The following CNTN5 variants were observed in gnomAD, a reference collection of about 807,000 sequenced individuals.
CNTN5 encodes the protein contactin 5.
CNTN5 carries 77 observed loss-of-function variants against 129.1 expected under a neutral mutation model. The observed-to-expected ratio is 0.60, with a 90% CI of 0.50 to 0.72. The LOEUF is 0.72. Among genes scored for constraint, CNTN5 ranks in the 30% least tolerant of loss-of-function variants. The pLI is 0.00. For synonymous variants in CNTN5, 509 were observed against 465.6 expected (o/e 1.09, Z -1.20); for missense variants, 1,478 against 1,328.8 (o/e 1.11, Z -1.75).
At chr11:99,778,632 C>T (rs1945206912) in intron 3 of CNTN5, among the ~76,000 whole-genome samples, 1 of 151,522 alleles carries the variant, frequency 6.6e-6, no homozygotes, top group Admixed American at 6.6e-5. Flanking sequence ...AATGAAAGTT[C>T]ATCATAGGTT....
intron 2 of CNTN5, among the ~76,000 whole-genome samples, chr11:99,370,677 T>C (rs1158479019): frequency 6.6e-6 from 1 of 152,232 alleles, no homozygotes; most frequent in Non-Finnish European, 1.5e-5. Flanking sequence ...ATGGAATAGA[T>C]ACCCTCTAGA....
chr11:99,576,071 A>G (rs1225380189), intron 3 of CNTN5, among the ~76,000 whole-genome samples: 3 of 152,194 alleles, frequency 2.0e-5, no homozygotes, highest in African/African-American at 7.2e-5. Flanking sequence ...TCAGGAGAAG[A>G]GAAGGGAGAC....
intron 8 of CNTN5, among the ~76,000 whole-genome samples, chr11:99,967,397 A>T (rs963718477): frequency 6.6e-6 from 1 of 152,158 alleles, no homozygotes; most frequent in African/African-American, 2.4e-5. Context: ...AGGGGATACA[A>T]TGGAGGGTGA....
chr11:99,648,655 T>G (rs1430404731), intron 3 of CNTN5, among the ~76,000 whole-genome samples: 1 of 151,816 alleles, frequency 6.6e-6, no homozygotes, highest in Non-Finnish European at 1.5e-5. Context: ...AAATATGGAA[T>G]CAACCCAAAT....
chr11:100,083,744 C>T (rs777305688), intron 13 of CNTN5, among the ~76,000 whole-genome samples: 2 of 152,108 alleles, frequency 1.3e-5, no homozygotes, highest in Non-Finnish European at 2.9e-5. Flanking sequence ...ATGGCATCCA[C>T]TTAAACACAG....
intron 1 of CNTN5, among the ~76,000 whole-genome samples, chr11:99,069,863 T>C (rs1274553565): frequency 6.6e-6 from 1 of 152,192 alleles, no homozygotes; most frequent in Admixed American, 6.5e-5. Flanking sequence ...CCAGTGCTAC[T>C]GCTTATTGCA....
chr11:100,264,147 T>C (rs192735504), intron 17 of CNTN5, among the ~76,000 whole-genome samples: 6 of 152,274 alleles, frequency 3.9e-5, no homozygotes, highest in Non-Finnish European at 8.8e-5. Context: ...GAATTATTTT[T>C]GTGTTTGTTT....
chr11:99,081,566 A>T (rs1283432586), intron 1 of CNTN5, among the ~76,000 whole-genome samples: 1 of 152,180 alleles, frequency 6.6e-6, no homozygotes, highest in South Asian at 2.1e-4. Flanking sequence ...GGATGATATC[A>T]TATCTACTTA....
intron 13 of CNTN5, among the ~76,000 whole-genome samples, chr11:100,093,104 C>T (rs1944859488): frequency 6.6e-6 from 1 of 151,992 alleles, no homozygotes; most frequent in Admixed American, 6.6e-5. Context: ...CCCTGATCCG[C>T]CATACATGTT....
intron 3 of CNTN5, among the ~76,000 whole-genome samples, chr11:99,638,172 G>A (rs764043126): frequency 3.9e-5 from 6 of 152,088 alleles, no homozygotes; most frequent in Non-Finnish European, 8.8e-5. Flanking sequence ...GTACATGGTG[G>A]TGGCAAGAGA....
At chr11:99,342,092 T>A (rs1866538008) in intron 2 of CNTN5, among the ~76,000 whole-genome samples, 1 of 152,182 alleles carries the variant, frequency 6.6e-6, no homozygotes, top group Admixed American at 6.5e-5. Flanking sequence ...GTCATGCTGA[T>A]CTTTTCCATA....
intron 10 of CNTN5, among the ~76,000 whole-genome samples, chr11:100,066,918 T>C (rs549885635): frequency 6.6e-6 from 1 of 152,202 alleles, no homozygotes; most frequent in South Asian, 2.1e-4. Flanking sequence ...TGTAAGAATC[T>C]TGCAAGTACT....
intron 7 of CNTN5, among the ~76,000 whole-genome samples, chr11:99,922,321 C>T (rs1289695106): frequency 6.6e-6 from 1 of 152,104 alleles, no homozygotes; most frequent in South Asian, 2.1e-4. Flanking sequence ...TCCCACAACA[C>T]GTAGGGATTA....
intron 1 of CNTN5, among the ~76,000 whole-genome samples, chr11:99,137,912 A>G (rs554879272): frequency 6.6e-6 from 1 of 152,328 alleles, no homozygotes. Flanking sequence ...TGGCATTGAA[A>G]GAGAAATGAA....
intron 1 of CNTN5, among the ~76,000 whole-genome samples, chr11:99,091,249 G>A (rs1357490495): frequency 6.6e-6 from 1 of 152,128 alleles, no homozygotes. Flanking sequence ...TCTAGGATTA[G>A]CAATTACATT....
intron 2 of CNTN5, among the ~76,000 whole-genome samples, chr11:99,378,477 TACAGG>T (rs1395187619): frequency 6.6e-6 from 1 of 152,084 alleles, no homozygotes; most frequent in African/African-American, 2.4e-5. Flanking sequence ...CAATCTCTTA[TACAGG>T]AAAGGCAAGC....
intron 3 of CNTN5, among the ~76,000 whole-genome samples, chr11:99,643,538 G>T (rs934802736): frequency 1.3e-5 from 2 of 152,084 alleles, no homozygotes; most frequent in African/African-American, 4.8e-5. Flanking sequence ...TTATATGAGT[G>T]AATGTACATA....
At chr11:99,860,614 G>T (rs1348441462) in intron 6 of CNTN5, among the ~76,000 whole-genome samples, 1 of 152,144 alleles carries the variant, frequency 6.6e-6, no homozygotes, top group African/African-American at 2.4e-5. Flanking sequence ...TCTGATGGCT[G>T]TGGATGTGCA....
At chr11:99,673,276 A>G (rs1229197942) in intron 3 of CNTN5, among the ~76,000 whole-genome samples, 1 of 152,164 alleles carries the variant, frequency 6.6e-6, no homozygotes, top group African/African-American at 2.4e-5. Context: ...TATGGGCATC[A>G]TAGCATTTTG....
Sources: allele counts gnomAD v4.1 joint callset (sites outside exome capture counted in the v4.1 genomes callset), GRCh38; gene constraint gnomAD v4.1.1; transcripts MANE v1.5; gene names NCBI Gene and HGNC (gene_info 2026-07-23, HGNC 2026-07-21).